Variants in ATP7B observed in about 807,000 individuals in gnomAD.
ATP7B encodes ATPase copper transporting beta.
ATP7B carries 113 observed loss-of-function variants against 118.9 expected under a neutral mutation model. The observed-to-expected ratio is 0.95, with a 90% CI of 0.82 to 1.11. The LOEUF (loss-of-function observed/expected upper bound fraction) is 1.11. Among genes scored for constraint, ATP7B ranks in the 50% most tolerant of loss-of-function variants. ATP7B has a pLI of 0.00. For synonymous variants in ATP7B, 777 were observed against 727.4 expected, an observed-to-expected ratio of 1.07 and a Z score of -1.10; for missense variants, 1,867 against 1,871.4, an observed-to-expected ratio of 1.00 and a Z score of 0.04.
chr13:52,011,192 G>C (rs1217635333), intron 1 of ATP7B, 95 bp downstream of exon 1: 1 of 1,589,598 alleles, frequency 6.3e-7, no homozygotes, highest in Non-Finnish European at 8.6e-7. Flanking sequence ...CCTTCCCTGC[G>C]CACCCCCTGG....
At chr13:51,991,667 G>A (rs1288388451) in intron 1 of ATP7B, among the ~76,000 whole-genome samples, 1 of 152,156 alleles carries the variant, frequency 6.6e-6, no homozygotes, top group Non-Finnish European at 1.5e-5. Flanking sequence ...ACAAGTAGAG[G>A]AGAGAGTTAA....
chr13:52,006,137 T>C (rs560618634), intron 1 of ATP7B, among the ~76,000 whole-genome samples: 3 of 152,312 alleles, frequency 2.0e-5, no homozygotes, highest in East Asian at 3.9e-4. Context: ...TTAATGAATA[T>C]CTATAGAAAC....
At chr13:51,996,121 T>A (rs1485662248) in intron 1 of ATP7B, among the ~76,000 whole-genome samples, 1 of 152,182 alleles carries the variant, frequency 6.6e-6, no homozygotes, top group African/African-American at 2.4e-5. Context: ...CTAGGCAACA[T>A]GACTTGTATT....
At chr13:51,968,287 G>A (rs1951665935) in intron 4 of ATP7B, among the ~76,000 whole-genome samples, 157 bp downstream of exon 4, 2 of 152,188 alleles carry the variant, frequency 1.3e-5, no homozygotes, top group African/African-American at 4.8e-5. Context: ...ACAAGTCATT[G>A]TTGTCGGCTT....
rs756881832 is a variant in ATP7B at position 51,968,639 on chromosome 13, T to C, written c.1544-32A>G. On this transcript the variant is annotated intron_variant, in intron 3 of 20. Transcript: ENST00000242839. ...CCATCAGGTCATGGCTGTAACACTC[T>C]GGGTGGGCAGGGCCTCTAGGTTGAC... The C allele has an allele frequency of 6.2e-6, 10 of 1,613,172 alleles. No individual in the cohort carries two copies. In the African/African-American group the frequency reaches 1.3e-4, roughly 22 times the overall value.
At chr13:51,936,441 G>A (rs1387675393) in intron 19 of ATP7B, among the ~76,000 whole-genome samples, 10 of 151,736 alleles carry the variant, frequency 6.6e-5, no homozygotes, top group Non-Finnish European at 2.9e-5. Flanking sequence ...CCTGGGGGCA[G>A]GGGGCAGGGA....
chr13:52,011,474 A>C, upstream of ATP7B: 1 of 900,098 alleles, frequency 1.1e-6, no homozygotes, highest in Non-Finnish European at 1.8e-6. Context: ...CTCGGCTCTA[A>C]AGCAAACAGG....
At position 51,946,352 on chromosome 13, in the gene ATP7B, C is replaced by T; in HGVS notation, c.2992G>A (p.Gly998Ser). Residue 998 changes from glycine (G) to serine (S), a missense_variant, in exon 13 of 21, where the codon GGC becomes AGC. Coordinates refer to ENST00000242839, the MANE Select transcript of ATP7B (RefSeq NM_000053.4). ...GLATPTAVMVGTGVAAQNGIL... is the reference protein window; with the variant it reads ...GLATPTAVMVSTGVAAQNGIL... ...CCGTTCTGCGCGGCCACCCCGGTGC[C>T]CACCATGACAGCCGTGGGCGTGGCC... 1 of 1,612,558 alleles carries T rather than the reference C, an allele frequency of 6.2e-7. No homozygotes were observed. Among genetic ancestry groups the T allele is most frequent in the East Asian group, 2.2e-5 (1 of 44,868 alleles).
chr13:51,935,679 G>C lies in ATP7B; in HGVS notation c.4038C>G (p.Ile1346Met). 6.2e-7 allele frequency: 1 copy of C among 1,612,834 alleles called. No homozygotes were observed. Among genetic ancestry groups the C allele is most frequent in the Non-Finnish European group, 8.5e-7 (1 of 1,179,584 alleles). The change falls in exon 20 of 21, where the codon ATC becomes ATG. Residue 1346 changes from isoleucine (I) to methionine (M), a missense_variant. By Grantham distance (10) the Ile-to-Met change is conservative (BLOSUM62 1). Coordinates refer to ENST00000242839, the MANE Select transcript of ATP7B (RefSeq NM_000053.4). ...CCATCCAGGGCTGCAGCACAATGCCGATGGGCATGAAGACACCTGGGGAAG... is the reference window on the plus strand; with the variant it reads ...CCATCCAGGGCTGCAGCACAATGCCCATGGGCATGAAGACACCTGGGGAAG... ...IPIAAGVFMP[I>M]GIVLQPWMGS...
intron 1 of ATP7B, among the ~76,000 whole-genome samples, chr13:51,996,186 C>A (rs1294868303): frequency 1.3e-5 from 2 of 152,146 alleles, no homozygotes; most frequent in Non-Finnish European, 2.9e-5. Context: ...TTCCCTTGGA[C>A]CAAAGGCTTG....
chr13:51,941,193 A>C lies in ATP7B; in HGVS notation c.3444T>G (p.Ile1148Met). 3.1e-6 allele frequency: 5 copies of C among 1,614,220 alleles called. No individual in the cohort carries two copies. Among genetic ancestry groups the C allele is most frequent in the Non-Finnish European group, 4.2e-6 (5 of 1,180,036 alleles). Reference protein sequence around the residue: ...DAVPQTFSVLIGNREWLRRNG... With the variant: ...DAVPQTFSVLMGNREWLRRNG... ...TGCGCCTCAGCCACTCACGGTTTCC[A>C]ATCAGCACAGAGAAGGTCTGGGGGA... The change falls in exon 16 of 21, where the codon ATT (isoleucine) becomes ATG (methionine). Residue 1148 changes from isoleucine to methionine, a missense_variant. By Grantham distance (10) the Ile-to-Met change is conservative. Coordinates refer to ENST00000242839, the MANE Select transcript of ATP7B (RefSeq NM_000053.4).
intron 1 of ATP7B, among the ~76,000 whole-genome samples, chr13:51,986,504 C>G (rs1335042955): frequency 6.6e-6 from 1 of 152,188 alleles, no homozygotes; most frequent in Non-Finnish European, 1.5e-5. Flanking sequence ...GAGCTGGTAC[C>G]ATTCCTTCTG....
rs1325417959 is a variant in ATP7B, at chr13:51,974,479, C to G, written c.741G>C (p.Glu247Asp). Residue 247 changes from glutamate to aspartate, a missense_variant, in exon 2 of 21, where the codon GAG (glutamate) becomes GAC (aspartate). By Grantham distance (45) the Glu-to-Asp change is conservative (BLOSUM62 2). Transcript: ENST00000242839. The part of the protein sequence containing the change: ...SSANQNFNNS[E>D]TLGHQGSHVV... Reference sequence around the variant, plus strand: ...CATGGCTTCCTTGGTGCCCCAAGGTCTCAGAATTATTAAAATTCTGGTTAG... The same window carrying G: ...CATGGCTTCCTTGGTGCCCCAAGGTGTCAGAATTATTAAAATTCTGGTTAG... 6.2e-7 allele frequency: 1 copy of G among 1,614,136 alleles called. No homozygotes were observed. The highest frequency in any genetic ancestry group is 1.1e-5 in the South Asian group (1 of 91,074).
intron 1 of ATP7B, among the ~76,000 whole-genome samples, chr13:51,999,137 C>T (rs553789566): frequency 2.6e-5 from 4 of 152,248 alleles, no homozygotes; most frequent in South Asian, 4.1e-4. Context: ...GCCTGAGAGC[C>T]GTATTTAAGT....
chr13:51,994,914 G>A (rs1156321839), intron 1 of ATP7B, among the ~76,000 whole-genome samples: 2 of 152,116 alleles, frequency 1.3e-5, no homozygotes, highest in Non-Finnish European at 2.9e-5. Context: ...CTAACCTTTG[G>A]AGTAACAAAA....
chr13:51,984,209 A>T (rs2140278405), intron 1 of ATP7B, among the ~76,000 whole-genome samples: 1 of 152,294 alleles, frequency 6.6e-6, no homozygotes, highest in Non-Finnish European at 1.5e-5. Flanking sequence ...ATCAGTTTAG[A>T]GAGGAACATA....
intron 4 of ATP7B, 100 bp from the exon 5 acceptor site, chr13:51,965,133 C>A (rs1462237176): frequency 2.1e-6 from 3 of 1,453,470 alleles, no homozygotes; most frequent in Non-Finnish European, 2.8e-6. Context: ...AAGAGCCTTT[C>A]CCTCCTCAGC....
At position 51,944,105 on chromosome 13, in the gene ATP7B, G is replaced by A. The variant is rs779783859; in HGVS notation, c.3243+4C>T. ...AGGGCAGGGCCACGCCCAAGTCCAC[G>A]TACCTCTTTACAGTATTTGGTGACT... is the stretch of plus-strand genomic sequence containing the variant. On this transcript the variant is annotated splice_donor_region_variant and intron_variant, in intron 14 of 20. Coordinates refer to ENST00000242839, the MANE Select transcript of ATP7B (RefSeq NM_000053.4). The A allele has an allele frequency of 2.4e-5, 38 of 1,613,904 alleles. No homozygotes were observed. Among genetic ancestry groups the A allele is most frequent in the South Asian group, 2.0e-4 (18 of 91,082 alleles).
chr13:51,949,798 T>C lies in ATP7B; in HGVS notation c.2731-2A>G, dbSNP rs367956522. 4.3e-5 allele frequency: 70 copies of C among 1,613,950 alleles called. No homozygotes were observed. The highest frequency in any genetic ancestry group is 2.0e-4 in the Admixed American group (12 of 60,020). ...GTCAGCCAGCTGCTGAATGGGTGCCTATGAAAATAAAACACCAAGACCATG... is the reference window on the plus strand; with the variant it reads ...GTCAGCCAGCTGCTGAATGGGTGCCCATGAAAATAAAACACCAAGACCATG... On this transcript the variant is annotated splice_acceptor_variant, in intron 11 of 20. Coordinates refer to ENST00000242839, the MANE Select transcript of ATP7B (RefSeq NM_000053.4). LOFTEE classifies it high-confidence loss of function.
Sources: allele counts gnomAD v4.1 joint callset (sites outside exome capture counted in the v4.1 genomes callset), GRCh38; gene constraint gnomAD v4.1.1; transcripts MANE v1.5; gene names NCBI Gene and HGNC (gene_info 2026-07-23, HGNC 2026-07-21).